CNST: variants seen among roughly 807,000 people sequenced by gnomAD.
The protein encoded by CNST is consortin, connexin sorting protein.
A neutral mutation model predicts 72.4 loss-of-function variants in CNST; 39 were observed. The observed-to-expected ratio is 0.54, with a 90% CI of 0.42 to 0.70. The LOEUF (loss-of-function observed/expected upper bound fraction) is 0.70, where lower values mean the gene tolerates loss of function less well. Among genes scored for constraint, CNST ranks in the 30% least tolerant of loss-of-function variants. CNST has a pLI of 0.00. For synonymous variants in CNST, 332 were observed against 320.1 expected, an observed-to-expected ratio of 1.04 and a Z score of -0.40; for missense variants, 871 against 868.5, an observed-to-expected ratio of 1.00 and a Z score of -0.04.
chr1:246,615,656 A>G (rs1277462523), intron 2 of CNST, among the ~76,000 whole-genome samples: 1 of 151,198 alleles, frequency 6.6e-6, no homozygotes, highest in Non-Finnish European at 1.5e-5. Context: ...AGGCAGGTGA[A>G]TCACCTGAGG....
chr1:246,616,218 T>G (rs1175945135), intron 2 of CNST, among the ~76,000 whole-genome samples: 2 of 152,188 alleles, frequency 1.3e-5, no homozygotes, highest in Non-Finnish European at 2.9e-5. Flanking sequence ...TTTTTCTCCT[T>G]AACTATAAAT....
At position 246,668,137 on chromosome 1, in the gene CNST, A is replaced by G. The variant is rs1241392679; in HGVS notation, c.*2232A>G. The G allele has an allele frequency of 6.6e-6, 1 of 152,218 alleles. No homozygotes were observed. The highest frequency in any genetic ancestry group is 2.4e-5 in the African/African-American group (1 of 41,450). The allele number at this position is 152,218 out of a possible 1,614,324, so 9.4% of individuals were successfully genotyped here. On this transcript the variant is annotated 3_prime_UTR_variant, in exon 11 of 11. Transcript: ENST00000366513. ...AATTAGGGCAGTTTTTAAAAATGTC[A>G]TAGTTATCTATTGCATGAACTGGAG...
At chr1:246,634,310 A>G (rs1464640479) in intron 5 of CNST, 163 bp from the exon 6 acceptor site, 3 of 569,792 alleles carry the variant, frequency 5.3e-6, no homozygotes, top group African/African-American at 1.9e-5. Context: ...ATATTTACTT[A>G]TATTGAAAAG....
chr1:246,575,411 A>C (rs545558655), intron 1 of CNST, among the ~76,000 whole-genome samples: 10 of 152,376 alleles, frequency 6.6e-5, no homozygotes, highest in Admixed American at 2.0e-4. Context: ...ATCAGTATAT[A>C]GTACAACATG....
In CNST at chr1:246,591,822, T is replaced by C. The variant is rs6702823; in HGVS notation, c.260T>C (p.Leu87Ser). The C allele has an allele frequency of 0.9, 1,457,767 of 1,613,846 alleles. 658,746 individuals are homozygous for C. The highest frequency in any genetic ancestry group is 0.94 in the South Asian group (85,679 of 91,072). Residue 87 changes from leucine (L) to serine (S), a missense_variant, in exon 2 of 11, where the codon TTG becomes TCG. Physicochemically the swap from Leu to Ser is moderately radical, Grantham distance 145. Coordinates refer to ENST00000366513, the MANE Select transcript of CNST (RefSeq NM_152609.3). ...TGCGAGGTGGCTGCAGGTGAGAACT[T>C]GCAAAACACCCTTTGTGAAGCCTCC... ...LSCEVAAGEN[L>S]QNTLCEASRD...
intron 1 of CNST, among the ~76,000 whole-genome samples, chr1:246,570,440 A>G (rs1659997864): frequency 1.3e-5 from 2 of 152,228 alleles, no homozygotes; most frequent in Non-Finnish European, 2.9e-5. Flanking sequence ...ATTAGCCTGA[A>G]GGCCTAATTA....
intron 2 of CNST, among the ~76,000 whole-genome samples, chr1:246,596,612 A>G (rs1661904567): frequency 6.6e-6 from 1 of 152,214 alleles, no homozygotes; most frequent in Admixed American, 6.5e-5. Context: ...CTTAAAATAT[A>G]TAATTCACTG....
chr1:246,580,437 T>A (rs944535132), intron 1 of CNST, among the ~76,000 whole-genome samples: 22 of 152,170 alleles, frequency 1.4e-4, no homozygotes, highest in Non-Finnish European at 2.2e-4. Flanking sequence ...ACTTTTTTTT[T>A]AATATACCTT....
At chr1:246,603,692 G>A (rs934810258) in intron 2 of CNST, among the ~76,000 whole-genome samples, 4 of 152,182 alleles carry the variant, frequency 2.6e-5, no homozygotes, top group Non-Finnish European at 5.9e-5. Flanking sequence ...CTAAGTGAAA[G>A]AGGACATATG....
chr1:246,585,664 TATACACACACAC>T (rs1190283219), intron 1 of CNST, among the ~76,000 whole-genome samples: 559 of 39,622 alleles, frequency 0.014, 31 homozygotes, highest in African/African-American at 0.061. Flanking sequence ...AAAAAAAAAA[TATACACACACAC>T]ACACACACAC....
intron 8 of CNST, among the ~76,000 whole-genome samples, chr1:246,645,379 T>C (rs982373246): frequency 6.6e-6 from 1 of 152,086 alleles, no homozygotes; most frequent in Non-Finnish European, 1.5e-5. Flanking sequence ...CTTTGGCTCA[T>C]TATTTATTTA....
At position 246,633,785 on chromosome 1, in the gene CNST, G is replaced by A. The variant is rs1327473556; in HGVS notation, c.617-139G>A. 5.4e-6 allele frequency: 3 copies of A among 555,126 alleles called. No homozygotes were observed. The African/African-American group carries it at 5.8e-5, about 11-fold the overall frequency. The allele number at this position is 555,126 out of a possible 1,614,324, so 34.4% of individuals were successfully genotyped here. A position where few individuals can be genotyped will look rare whatever the true frequency, so the allele number is the denominator to read the frequency against. On this transcript the variant is annotated intron_variant, in intron 4 of 10. Transcript: ENST00000366513. ...AAGAGAGAAACATTACTTTAGATAT[G>A]TTTAAATTTAAAAATATTTAGAGTC...
At chr1:246,573,354 A>G (rs1660184865) in intron 1 of CNST, among the ~76,000 whole-genome samples, 1 of 152,336 alleles carries the variant, frequency 6.6e-6, no homozygotes, top group Non-Finnish European at 1.5e-5. Flanking sequence ...TTACCATTAC[A>G]TTTGAACTTT....
At chr1:246,614,533 G>T (rs1663555998) in intron 2 of CNST, among the ~76,000 whole-genome samples, 1 of 143,338 alleles carries the variant, frequency 7.0e-6, no homozygotes, top group African/African-American at 2.6e-5. Context: ...TTTTTTTGGA[G>T]ACAGTCTCGC....
intron 2 of CNST, among the ~76,000 whole-genome samples, chr1:246,597,982 T>C (rs1206642622): frequency 6.7e-6 from 1 of 150,032 alleles, no homozygotes; most frequent in East Asian, 1.9e-4. Context: ...GGTATTTATT[T>C]ATTTATTTAT....
rs573706701 is a variant in CNST at position 246,664,588 on chromosome 1, A to G, written c.1973-1112A>G. On this transcript the variant is annotated intron_variant, in intron 10 of 10. Coordinates refer to ENST00000366513, the MANE Select transcript of CNST (RefSeq NM_152609.3). ...ACTATAGGCACCTGCCACCACGCCCAGCTGATTTTTTATATTTTTAGTAGA... is the reference window on the plus strand; with the variant it reads ...ACTATAGGCACCTGCCACCACGCCCGGCTGATTTTTTATATTTTTAGTAGA... Among the ~76,000 whole-genome samples, 151 of 152,028 alleles carry G rather than the reference A, an allele frequency of 9.9e-4. 2 individuals carry two copies. Among genetic ancestry groups the G allele is most frequent in the Non-Finnish European group, 2.2e-4 (15 of 67,962 alleles).
intron 1 of CNST, among the ~76,000 whole-genome samples, chr1:246,586,397 A>G (rs144410157): frequency 2.4e-4 from 36 of 147,514 alleles, no homozygotes; most frequent in African/African-American, 8.2e-4. Flanking sequence ...GATATATCAA[A>G]TATATAACAT....
chr1:246,574,462 A>G (rs1225977605), intron 1 of CNST, among the ~76,000 whole-genome samples: 3 of 152,184 alleles, frequency 2.0e-5, no homozygotes, highest in Non-Finnish European at 4.4e-5. Context: ...TTGTCGCACT[A>G]TCACCCAGGT....
At chr1:246,582,422 C>T (rs1441855420) in intron 1 of CNST, among the ~76,000 whole-genome samples, 22 of 151,562 alleles carry the variant, frequency 1.5e-4, no homozygotes, top group Admixed American at 1.4e-3. Flanking sequence ...GATCCCGGCT[C>T]CCTGCAACCT....
Sources: gnomAD v4.1 joint callset for allele counts (sites outside exome capture counted in the v4.1 genomes callset) on GRCh38, gnomAD v4.1.1 for gene constraint, MANE v1.5 for transcripts, NCBI Gene and HGNC (gene_info 2026-07-23, HGNC 2026-07-21) for gene names.